Variants in TRPM4 observed in about 807,000 individuals in gnomAD.
TRPM4 encodes transient receptor potential cation channel subfamily M member 4, also known as calcium-activated non-selective cation channel 1.
Under a neutral mutation model 135.6 loss-of-function variants are expected in TRPM4, and 124 were observed. The ratio of observed to expected loss-of-function variants is 0.91; its 90% CI spans 0.79 to 1.06. The LOEUF is 1.06. TRPM4 is among the 50% of genes least tolerant of loss of function. The probability of loss-of-function intolerance (pLI) is 0.00; values close to 1 mark genes in which losing one functional copy is unlikely to be tolerated. For missense variants in TRPM4, 1,658 were observed against 1,671.4 expected, an observed-to-expected ratio of 0.99 and a Z score of 0.14; for synonymous variants, 745 against 705.6, an observed-to-expected ratio of 1.06 and a Z score of -0.88.
intron 12 of TRPM4, among the ~76,000 whole-genome samples, chr19:49,185,530 C>T (rs1311519400): frequency 6.6e-6 from 1 of 152,136 alleles, no homozygotes; most frequent in African/African-American, 2.4e-5. Flanking sequence ...TGTGAGCCAC[C>T]ATGCCTGGTC....
chr19:49,200,888 C>T (rs1235395757), intron 19 of TRPM4, 103 bp downstream of exon 19: 2 of 1,286,472 alleles, frequency 1.6e-6, no homozygotes, highest in African/African-American at 1.5e-5. Flanking sequence ...CTCTGAGTCT[C>T]TGTCTCCCTC....
Position 49,211,533 on chromosome 19 carries a change from AGG to A in TRPM4, c.*38_*39del. Reference sequence around the variant, plus strand: ...GCGGACTTCAAGGAGAAGCCCCCACAGGGGATTTTGCTCCTAGAGTAAGGCTC... The same window carrying A: ...GCGGACTTCAAGGAGAAGCCCCCACAGGATTTTGCTCCTAGAGTAAGGCTC... On this transcript the variant is annotated 3_prime_UTR_variant, in exon 25 of 25. Transcript: ENST00000252826. The surrounding 1 kb of genome is among the most constrained non-coding windows in gnomAD (Gnocchi z 4.8). The A allele has an allele frequency of 6.2e-7, 1 of 1,613,830 alleles. No homozygotes were observed. The highest frequency in any genetic ancestry group is 2.2e-5 in the East Asian group (1 of 44,862).
At chr19:49,174,639 G>C (rs1408295438) in intron 9 of TRPM4, among the ~76,000 whole-genome samples, 1 of 151,062 alleles carries the variant, frequency 6.6e-6, no homozygotes, top group Non-Finnish European at 1.5e-5. Context: ...GCGCATACCT[G>C]TAATCCCAGC....
At chr19:49,174,648 G>A (rs1048375428) in intron 9 of TRPM4, among the ~76,000 whole-genome samples, 7 of 151,340 alleles carry the variant, frequency 4.6e-5, no homozygotes, top group African/African-American at 1.5e-4. Context: ...TGTAATCCCA[G>A]CTACTTGGGT....
chr19:49,183,703 A>G (rs962670231), intron 12 of TRPM4, among the ~76,000 whole-genome samples: 7 of 151,532 alleles, frequency 4.6e-5, no homozygotes, highest in African/African-American at 1.7e-4. Context: ...GTGCCTGGCC[A>G]AGATTCTCTC....
chr19:49,160,353 A>T (rs1274602188), intron 2 of TRPM4, among the ~76,000 whole-genome samples: 1 of 152,016 alleles, frequency 6.6e-6, no homozygotes, highest in East Asian at 1.9e-4. Context: ...AACTGGGCGT[A>T]TTGGCGCATG....
In TRPM4 at chr19:49,171,521, AG is replaced by A; in HGVS notation, c.859-54del. On this transcript the variant is annotated intron_variant, in intron 7 of 24. Transcript: ENST00000252826. The surrounding 1 kb of genome is among the most constrained non-coding windows in gnomAD (Gnocchi z 4.7). The stretch of plus-strand genomic sequence containing the variant: ...AGGGTCTGGGGGTCTGACTCCGGGT[AG>A]GGTGAATATCCTGCCTTTTCTGACG... 1 of 1,611,910 alleles carries A rather than the reference AG, an allele frequency of 6.2e-7. No homozygotes were observed. Among genetic ancestry groups the A allele is most frequent in the Non-Finnish European group, 8.5e-7 (1 of 1,178,294 alleles).
rs781191851 is a variant in TRPM4 at position 49,190,273 on chromosome 19, C to T, written c.2085C>T (p.Leu695=). 40 of 1,613,788 alleles carry T rather than the reference C, an allele frequency of 2.5e-5. No individual in the cohort carries two copies. Among genetic ancestry groups the T allele is most frequent in the African/African-American group, 2.4e-4 (18 of 74,830 alleles). Reference sequence around the variant, plus strand: ...CTACACCCATCTGGGCCCTGGTTCTCGCCTTCTTTTGCCCTCCACTCATCT... The same window carrying T: ...CTACACCCATCTGGGCCCTGGTTCTTGCCTTCTTTTGCCCTCCACTCATCT... The part of the protein sequence containing the change: ...ASTTPIWALV[L]AFFCPPLIYT... Residue 695 remains leucine, a synonymous_variant, in exon 15 of 25, where the codon CTC becomes CTT. Transcript: ENST00000252826.
chr19:49,201,002 T>TTTC lies in TRPM4; in HGVS notation c.2953+219_2953+220insCTT, dbSNP rs1390390363. On this transcript the variant is annotated intron_variant, in intron 19 of 24. Transcript: ENST00000252826. ...CTTTCTGTCTGTCTTTCTTTTTTCT[T>TTTC]TTTTTTTTTCTTTTTTTTTGAGATG... Among the ~76,000 whole-genome samples, 88 of 148,672 alleles carry TTTC rather than the reference T, an allele frequency of 5.9e-4. No homozygotes were observed. In the Middle Eastern group the frequency reaches 0.014, roughly 24 times the overall value.
chr19:49,197,473 C>CCTTCCT lies in TRPM4; in HGVS notation c.2645+599_2645+600insCTTCCT, dbSNP rs1968735724. Among the ~76,000 whole-genome samples, 301 of 114,926 alleles carry CCTTCCT rather than the reference C, an allele frequency of 2.6e-3. 2 individuals are homozygous for CCTTCCT. Among genetic ancestry groups the CCTTCCT allele is most frequent in the Non-Finnish European group, 4.2e-3 (240 of 57,386 alleles). 75.4% of individuals were successfully genotyped at this position (114,926 alleles called of 152,430 possible). A position where few individuals can be genotyped will look rare whatever the true frequency, so the allele number is the denominator to read the frequency against. On this transcript the variant is annotated intron_variant, in intron 17 of 24. Coordinates refer to ENST00000252826, the MANE Select transcript of TRPM4 (RefSeq NM_017636.4). ...GTCCTCTGCCCCTCTGCCTCCCTCC[C>CCTTCCT]TCCTTCCTTCCTTCCTTCCTTCCTT...
intron 16 of TRPM4, among the ~76,000 whole-genome samples, chr19:49,195,116 A>G (rs983437404): frequency 2.0e-5 from 3 of 151,944 alleles, no homozygotes; most frequent in African/African-American, 7.2e-5. Flanking sequence ...TAATCCACAT[A>G]TCATACCGTT....
chr19:49,180,819 C>A (rs1967889772), intron 9 of TRPM4, among the ~76,000 whole-genome samples: 1 of 151,900 alleles, frequency 6.6e-6, no homozygotes, highest in East Asian at 1.9e-4. Flanking sequence ...CATCTATCCA[C>A]CCTGTACATC....
intron 2 of TRPM4, 94 bp from the exon 3 acceptor site, chr19:49,165,947 G>A: frequency 7.6e-7 from 1 of 1,310,064 alleles, no homozygotes. Flanking sequence ...TGGACTCAGT[G>A]TCGACAGCCC....
chr19:49,201,174 T>A (rs1968921789), intron 19 of TRPM4, among the ~76,000 whole-genome samples: 1 of 152,108 alleles, frequency 6.6e-6, no homozygotes, highest in African/African-American at 2.4e-5. Context: ...ACAAAGGAGA[T>A]AGGGTCATTT....
At chr19:49,176,060 A>C (rs1443199618) in intron 9 of TRPM4, among the ~76,000 whole-genome samples, 1 of 149,674 alleles carries the variant, frequency 6.7e-6, no homozygotes, top group Non-Finnish European at 1.5e-5. Flanking sequence ...AGTAGCTGGG[A>C]TTACAGGTGC....
chr19:49,207,323 T>C (rs116900218), intron 20 of TRPM4, among the ~76,000 whole-genome samples: 354 of 152,214 alleles, frequency 2.3e-3, no homozygotes, highest in Middle Eastern at 6.8e-3. Context: ...TTTATTTCTA[T>C]TCCTAGTTTA....
Position 49,157,884 on chromosome 19 carries a change from G to A in TRPM4, c.18G>A (p.Lys6=), listed in dbSNP as rs2122723185. The A allele has an allele frequency of 6.5e-7, 1 of 1,535,144 alleles. No individual in the cohort carries two copies. MVVPE[K]EQSWIPKIFK... is the part of the protein sequence containing the mutation. ...GCGGCAGCATGGTGGTGCCGGAGAAGGAGCAGGTGAGCGCCGGACCAGGGT... is the reference window on the plus strand; with the variant it reads ...GCGGCAGCATGGTGGTGCCGGAGAAAGAGCAGGTGAGCGCCGGACCAGGGT... Residue 6 remains lysine (K), a synonymous_variant, in exon 1 of 25, where the codon AAG becomes AAA. Transcript: ENST00000252826.
At position 49,210,535 on chromosome 19, in the gene TRPM4, A is replaced by C; in HGVS notation, c.3328+130A>C. The stretch of plus-strand genomic sequence containing the variant: ...TAGCGAGGGGCGGGGTTTAAGCAAC[A>C]AGGGGCGGAGCTTAAGCACTGAGGG... On this transcript the variant is annotated intron_variant, in intron 21 of 24. Transcript: ENST00000252826. This position sits in a 1 kb window ranked among gnomAD's most constrained non-coding sequence, Gnocchi z 4.1. The C allele has an allele frequency of 7.1e-7, 1 of 1,414,604 alleles. No homozygotes were observed. The highest frequency in any genetic ancestry group is 9.8e-7 in the Non-Finnish European group (1 of 1,024,574). The allele number at this position is 1,414,604 out of a possible 1,614,324, so 87.6% of individuals were successfully genotyped here.
At chr19:49,167,466 G>GCCATCTCTCTGGGTTTCTGTCC (rs1967252694) in intron 3 of TRPM4, among the ~76,000 whole-genome samples, 15 of 26,284 alleles carry the variant, frequency 5.7e-4, no homozygotes, top group African/African-American at 2.7e-3. Context: ...GGTCTCTGTC[G>GCCATCTCTCTGGGTTTCTGTCC]CCATCTCTCT....
Sources: allele counts gnomAD v4.1 joint callset (sites outside exome capture counted in the v4.1 genomes callset), GRCh38; gene constraint gnomAD v4.1.1; non-coding constraint Gnocchi (gnomAD v3.1); transcripts MANE v1.5; gene names NCBI Gene and HGNC (gene_info 2026-07-23, HGNC 2026-07-21).